SORCS2: variants seen among roughly 807,000 people sequenced by gnomAD.
The protein encoded by SORCS2 is VPS10 domain-containing receptor SorCS2.
In SORCS2, 100 loss-of-function variants were observed where a neutral mutation model predicts 141.6. That is an observed-to-expected ratio of 0.71 (90% CI 0.60 to 0.83). The LOEUF is 0.83. Among genes scored for constraint, SORCS2 ranks in the 40% least tolerant of loss-of-function variants. The pLI is 0.00. For synonymous variants in SORCS2, 789 were observed against 676.9 expected, an observed-to-expected ratio of 1.17 and a Z score of -2.57; for missense variants, 1,646 against 1,560.2, an observed-to-expected ratio of 1.05 and a Z score of -0.93.
intron 1 of SORCS2, among the ~76,000 whole-genome samples, chr4:7,312,212 G>GT (rs1403752903): frequency 1.3e-5 from 2 of 152,172 alleles, no homozygotes; most frequent in Non-Finnish European, 2.9e-5. Context: ...GCTGAAGAGC[G>GT]TAAGTACTTC....
chr4:7,321,275 T>A (rs557811031), intron 1 of SORCS2, among the ~76,000 whole-genome samples: 20 of 152,334 alleles, frequency 1.3e-4, no homozygotes, highest in Non-Finnish European at 2.1e-4. Context: ...TACACAATTT[T>A]ATTCCTTTTT....
chr4:7,280,613 G>A (rs143691880), intron 1 of SORCS2, among the ~76,000 whole-genome samples: 38 of 152,310 alleles, frequency 2.5e-4, no homozygotes, highest in African/African-American at 8.9e-4. Flanking sequence ...ACGTAGCTCT[G>A]TCAGGAACTG....
chr4:7,452,582 T>A (rs13147842), intron 2 of SORCS2, among the ~76,000 whole-genome samples: 146,885 of 152,298 alleles, frequency 0.96, 70,986 homozygotes, highest in Non-Finnish European at 1. Context: ...CTATGTGCTC[T>A]CCTGCTGACT....
intron 1 of SORCS2, among the ~76,000 whole-genome samples, chr4:7,389,964 G>A (rs1723750967): frequency 6.6e-6 from 1 of 152,150 alleles, no homozygotes; most frequent in Non-Finnish European, 1.5e-5. Flanking sequence ...CCCCTCAAAT[G>A]TGAGCGACGA....
intron 2 of SORCS2, among the ~76,000 whole-genome samples, chr4:7,401,475 G>A (rs1489101738): frequency 2.0e-5 from 3 of 152,180 alleles, no homozygotes; most frequent in African/African-American, 7.2e-5. Flanking sequence ...TGCTGTGGAA[G>A]CCAGGAAATC....
chr4:7,513,921 G>A (rs1039236695), intron 2 of SORCS2, among the ~76,000 whole-genome samples: 24 of 152,210 alleles, frequency 1.6e-4, no homozygotes, highest in African/African-American at 4.1e-4. Context: ...GGCTGGAGGC[G>A]GGTGACGTGG....
At chr4:7,488,837 G>A (rs770654210) in intron 2 of SORCS2, among the ~76,000 whole-genome samples, 29 of 152,290 alleles carry the variant, frequency 1.9e-4, no homozygotes, top group East Asian at 5.8e-4. Flanking sequence ...TCTTAAATTC[G>A]TTTATAAAGC....
intron 3 of SORCS2, among the ~76,000 whole-genome samples, chr4:7,614,888 C>T (rs984669075): frequency 6.6e-6 from 1 of 152,024 alleles, no homozygotes; most frequent in African/African-American, 2.4e-5. Flanking sequence ...ACCCATCTGC[C>T]ATCCACCCAT....
At chr4:7,197,128 G>A (rs995786805) in intron 1 of SORCS2, among the ~76,000 whole-genome samples, 3 of 152,184 alleles carry the variant, frequency 2.0e-5, no homozygotes, top group African/African-American at 7.2e-5. Context: ...TCCTGGGCTC[G>A]CAGATGCCAC....
At chr4:7,667,530 G>A (rs1414665311) in intron 8 of SORCS2, among the ~76,000 whole-genome samples, 1 of 152,174 alleles carries the variant, frequency 6.6e-6, no homozygotes, top group Non-Finnish European at 1.5e-5. Flanking sequence ...CCCCCAGGCG[G>A]GCCCAGTCCT....
At chr4:7,467,232 G>A (rs1444696676) in intron 2 of SORCS2, among the ~76,000 whole-genome samples, 24 of 152,170 alleles carry the variant, frequency 1.6e-4, no homozygotes, top group Admixed American at 1.6e-3. Flanking sequence ...AGACATGGGC[G>A]AATGACGTGT....
intron 2 of SORCS2, among the ~76,000 whole-genome samples, chr4:7,504,289 A>C (rs1424922699): frequency 2.0e-5 from 3 of 152,180 alleles, no homozygotes; most frequent in African/African-American, 7.2e-5. Flanking sequence ...CTTTGCCTGG[A>C]GAACCAGGAG....
chr4:7,608,668 GCCCCAGT>G lies in SORCS2; in HGVS notation c.649-29653_649-29647del, dbSNP rs1224906223. 2.6e-5 allele frequency among the ~76,000 whole-genome samples: 4 copies of G among 152,210 alleles called. No individual in the cohort carries two copies. The East Asian group carries it at 7.7e-4, about 29-fold the overall frequency. On this transcript the variant is annotated intron_variant, in intron 3 of 26. Transcript: ENST00000507866. Reference sequence around the variant, plus strand: ...CAGCACCTGGAGGTGCCCACTGGCAGCCCCAGTCCCCAGGACCTGATGCCAGGCTTCT... The same window carrying G: ...CAGCACCTGGAGGTGCCCACTGGCAGCCCCAGGACCTGATGCCAGGCTTCT...
Position 7,740,140 on chromosome 4 carries a change from T to C in SORCS2, c.3416-60T>C. 4 of 1,452,962 alleles carry C rather than the reference T, an allele frequency of 2.8e-6. No homozygotes were observed. The South Asian group carries it at 4.8e-5, about 17-fold the overall frequency. The allele number at this position is 1,452,962 out of a possible 1,614,324, so 90.0% of individuals were successfully genotyped here. On this transcript the variant is annotated intron_variant, in intron 26 of 26. Coordinates refer to ENST00000507866, the MANE Select transcript of SORCS2 (RefSeq NM_020777.3). Reference sequence around the variant, plus strand: ...CCTGAGGCCACGACCGTGTCCCCTGTGGCCCTGTCTCCAGTCCCGGGCTTG... The same window carrying C: ...CCTGAGGCCACGACCGTGTCCCCTGCGGCCCTGTCTCCAGTCCCGGGCTTG...
At chr4:7,408,006 C>T (rs945954146) in intron 2 of SORCS2, among the ~76,000 whole-genome samples, 7 of 152,100 alleles carry the variant, frequency 4.6e-5, no homozygotes, top group East Asian at 1.9e-4. Flanking sequence ...TTTCAGTTTA[C>T]GTATTTCTAT....
At chr4:7,378,971 C>T (rs1394598293) in intron 1 of SORCS2, among the ~76,000 whole-genome samples, 1 of 152,208 alleles carries the variant, frequency 6.6e-6, no homozygotes, top group Non-Finnish European at 1.5e-5. Context: ...AAAAGACAGC[C>T]TCTCCCTAGA....
At chr4:7,493,932 C>A (rs1354920140) in intron 2 of SORCS2, among the ~76,000 whole-genome samples, 1 of 152,158 alleles carries the variant, frequency 6.6e-6, no homozygotes, top group Non-Finnish European at 1.5e-5. Context: ...GGGACACAAG[C>A]CTTTTAGTTT....
At chr4:7,552,972 C>T (rs770021166) in intron 3 of SORCS2, among the ~76,000 whole-genome samples, 15 of 151,970 alleles carry the variant, frequency 9.9e-5, no homozygotes, top group East Asian at 1.9e-4. Context: ...AGGAAGGGAG[C>T]GAGGAGTGGG....
chr4:7,659,276 C>CAA (rs549698315), intron 5 of SORCS2, among the ~76,000 whole-genome samples: 2 of 117,176 alleles, frequency 1.7e-5, no homozygotes, highest in Non-Finnish European at 3.7e-5. Context: ...TTCCTTTCAT[C>CAA]AAAAAAAAAA....
Sources: allele counts gnomAD v4.1 joint callset (sites outside exome capture counted in the v4.1 genomes callset), GRCh38; gene constraint gnomAD v4.1.1; transcripts MANE v1.5; gene names NCBI Gene and HGNC (gene_info 2026-07-23, HGNC 2026-07-21).